The following GALK2 variants were observed in gnomAD, a reference collection of about 807,000 sequenced individuals.
The protein encoded by GALK2 is galactokinase 2.
GALK2 carries 36 observed loss-of-function variants against 52.4 expected under a neutral mutation model. The ratio of observed to expected loss-of-function variants is 0.69; its 90% confidence interval spans 0.53 to 0.91. The LOEUF is 0.91. Among genes scored for constraint, GALK2 ranks in the 40% least tolerant of loss-of-function variants. The pLI, the probability that GALK2 is intolerant of heterozygous loss-of-function variation, is 0.00. For synonymous variants in GALK2, 176 were observed against 199.1 expected, an observed-to-expected ratio of 0.88 and a Z score of 0.98; for missense variants, 579 against 559.1, an observed-to-expected ratio of 1.04 and a Z score of -0.36.
intron 9 of GALK2, among the ~76,000 whole-genome samples, chr15:49,322,687 A>G (rs139438318): frequency 2.0e-5 from 3 of 152,162 alleles, no homozygotes; most frequent in East Asian, 1.9e-4. Context: ...GCCGGGCCCA[A>G]TTGCTCACAC....
At chr15:49,343,893 G>C (rs1213705749) in intron 3 of GALK2, 1 of 152,150 alleles carries the variant, frequency 6.6e-6, no homozygotes, top group Admixed American at 6.6e-5. Context: ...ATGAACTACA[G>C]TTTTGCTGAT....
rs1285412765 is a variant in GALK2, at chr15:49,303,282, A to G, written c.967+10745A>G. On this transcript the variant is annotated intron_variant, in intron 8 of 9. Transcript: ENST00000560031. ...TTCAAAACTAAAAATGAATGTGAAC[A>G]TACCTTATTAAGTAGGATTTTTAAA... Among the ~76,000 whole-genome samples the G allele has an allele frequency of 2.0e-5, 3 of 152,366 alleles. No homozygotes were observed. In the East Asian group the frequency reaches 5.8e-4, roughly 29 times the overall value.
chr15:49,357,957 C>T (rs1409560503), intron 3 of GALK2, among the ~76,000 whole-genome samples: 1 of 151,868 alleles, frequency 6.6e-6, no homozygotes, highest in Non-Finnish European at 1.5e-5. Flanking sequence ...AAATGTAATC[C>T]AGCATATAAA....
intron 2 of GALK2, among the ~76,000 whole-genome samples, chr15:49,205,571 T>C (rs1271723245): frequency 6.6e-6 from 1 of 152,202 alleles, no homozygotes; most frequent in Non-Finnish European, 1.5e-5. Context: ...ACTCTTTGAA[T>C]GGGATGGTTT....
At chr15:49,181,351 T>G (rs1283198518) in intron 1 of GALK2, among the ~76,000 whole-genome samples, 1 of 151,754 alleles carries the variant, frequency 6.6e-6, no homozygotes, top group African/African-American at 2.4e-5. Flanking sequence ...TTAAGTGATC[T>G]GCCTTGGCCT....
At chr15:49,201,053 AGTGTGTGTGTGTGT>A (rs10629223) in intron 1 of GALK2, 95 bp from the exon 2 acceptor site, 8 of 400,742 alleles carry the variant, frequency 2.0e-5, no homozygotes, top group Admixed American at 8.2e-5. Context: ...AGGCATATGG[AGTGTGTGTGTGTGT>A]GTGTGTGTGT....
chr15:49,176,451 A>G (rs2085466486), intron 1 of GALK2, among the ~76,000 whole-genome samples: 1 of 152,220 alleles, frequency 6.6e-6, no homozygotes, highest in Non-Finnish European at 1.5e-5. Flanking sequence ...TAAACTCTGT[A>G]TTAAGTTTGC....
At chr15:49,181,219 T>C (rs1287252908) in intron 1 of GALK2, among the ~76,000 whole-genome samples, 1 of 151,338 alleles carries the variant, frequency 6.6e-6, no homozygotes, top group African/African-American at 2.4e-5. Context: ...TTCTCCCACT[T>C]CAGCCTCCTG....
intron 1 of GALK2, chr15:49,156,335 T>C (rs1342276672): frequency 1.4e-4 from 60 of 417,232 alleles, no homozygotes; most frequent in South Asian, 1.3e-3. Flanking sequence ...AGATGGGGGC[T>C]GCGGTGACTC....
At chr15:49,169,828 C>T (rs141901351), upstream of GALK2, among the ~76,000 whole-genome samples, 255 of 152,212 alleles carry the variant, frequency 1.7e-3, 1 homozygote, top group Admixed American at 0.011. Flanking sequence ...CGCAAAGAAG[C>T]AATAGCTAAA....
chr15:49,228,970 C>T (rs1485657215), intron 3 of GALK2, among the ~76,000 whole-genome samples: 2 of 151,880 alleles, frequency 1.3e-5, no homozygotes, highest in Non-Finnish European at 2.9e-5. Flanking sequence ...GCTGGGATTA[C>T]AGGTGTGAAC....
chr15:49,198,944 T>G (rs1426888710), intron 1 of GALK2: 4 of 150,174 alleles, frequency 2.7e-5, no homozygotes, highest in African/African-American at 7.3e-5. Context: ...CAGTGGCTAC[T>G]CGCAGGCAGG....
intron 7 of GALK2, among the ~76,000 whole-genome samples, chr15:49,291,236 A>G (rs1803362688): frequency 6.6e-6 from 1 of 151,470 alleles, no homozygotes; most frequent in Admixed American, 6.6e-5. Context: ...TCATAGTTCT[A>G]TTGTTTTGTT....
intron 1 of GALK2, chr15:49,177,586 CA>C (rs775268495): frequency 3.1e-4 from 54 of 177,012 alleles, no homozygotes; most frequent in Non-Finnish European, 5.5e-4. Flanking sequence ...ATCAACTTTA[CA>C]AACATTACTT....
At chr15:49,282,624 C>T (rs569714302) in intron 6 of GALK2, among the ~76,000 whole-genome samples, 5 of 152,238 alleles carry the variant, frequency 3.3e-5, no homozygotes, top group South Asian at 2.1e-4. Context: ...AGCTGGATAC[C>T]GCTTCCCCTT....
Position 49,356,072 on chromosome 15 carries a change from C to A in GALK2, c.427-11419C>A, listed in dbSNP as rs867659610. On this transcript the variant is annotated intron_variant, in intron 3 of 3. Transcript: ENST00000558399. ...TTTTCTCACCAACAGGCCTGCCTTA[C>A]AAGAGCTCCTGAAGGAAGCACTAAA... Among the ~76,000 whole-genome samples, 295 of 144,672 alleles carry A rather than the reference C, an allele frequency of 2.0e-3. No homozygotes were observed. The Middle Eastern group carries it at 0.025, about 12-fold the overall frequency. 94.9% of individuals were successfully genotyped at this position (144,672 alleles called of 152,430 possible). A position where few individuals can be genotyped will look rare whatever the true frequency, so the allele number is the denominator to read the frequency against.
At chr15:49,310,949 G>A (rs915870663) in intron 8 of GALK2, among the ~76,000 whole-genome samples, 9 of 151,936 alleles carry the variant, frequency 5.9e-5, no homozygotes, top group Non-Finnish European at 1.2e-4. Context: ...GTTGTCTTAC[G>A]CATAAGTTCT....
intron 9 of GALK2, 114 bp from the exon 10 acceptor site, chr15:49,327,838 C>T: frequency 3.2e-6 from 3 of 945,606 alleles, no homozygotes; most frequent in Non-Finnish European, 4.6e-6. Flanking sequence ...CACCTAAAAA[C>T]CCCGCATGTA....
intron 3 of GALK2, chr15:49,366,599 A>G: frequency 6.2e-7 from 1 of 1,600,786 alleles, no homozygotes; most frequent in South Asian, 1.1e-5. Context: ...CGCATGCAAG[A>G]TTGCTTCCTG....
Sources: allele counts gnomAD v4.1 joint callset (sites outside exome capture counted in the v4.1 genomes callset), GRCh38; gene constraint gnomAD v4.1.1; transcripts MANE v1.5; gene names NCBI Gene and HGNC (gene_info 2026-07-23, HGNC 2026-07-21).